The following SLC38A7 variants were observed in gnomAD, a reference collection of about 807,000 sequenced individuals.
The protein encoded by SLC38A7 is solute carrier family 38 member 7.
Under a neutral mutation model 50.1 loss-of-function variants are expected in SLC38A7, and 29 were observed. The ratio of observed to expected loss-of-function variants is 0.58; its 90% confidence interval spans 0.43 to 0.79. SLC38A7 has a LOEUF of 0.79. Ranked by LOEUF, SLC38A7 falls within the 30% of genes least tolerant of loss-of-function variation. The pLI, the probability that SLC38A7 is intolerant of heterozygous loss-of-function variation, is 0.00. For missense variants in SLC38A7, 483 were observed against 610.6 expected (o/e 0.79, Z 2.20); for synonymous variants, 244 against 245.9 (o/e 0.99, Z 0.07).
chr16:58,677,235 C>A lies in SLC38A7; in HGVS notation c.710+91G>T, dbSNP rs1371225094. On this transcript the variant is annotated intron_variant, in intron 6 of 11. Coordinates refer to ENST00000219320, the MANE Select transcript of SLC38A7 (RefSeq NM_018231.3). ...ATGAGCTCATGAGCCTTGAGAAGAGCACCTGTGTGGCCTTCTGGTTCCTGA... is the reference window on the plus strand; with the variant it reads ...ATGAGCTCATGAGCCTTGAGAAGAGAACCTGTGTGGCCTTCTGGTTCCTGA... The A allele has an allele frequency of 5.8e-6, 6 of 1,042,374 alleles. No individual in the cohort carries two copies. In the African/African-American group the frequency reaches 6.3e-5, roughly 11 times the overall value. 64.6% of individuals were successfully genotyped at this position (1,042,374 alleles called of 1,614,324 possible).
Position 58,677,374 on chromosome 16 carries a change from TTGA to T in SLC38A7, c.659_661del (p.Ile220del), listed in dbSNP as rs1259632472. 3.1e-6 allele frequency: 5 copies of T among 1,613,414 alleles called. No individual in the cohort carries two copies. The highest frequency in any genetic ancestry group is 1.1e-5 in the South Asian group (1 of 91,026). On this transcript the variant is annotated inframe_deletion, in exon 6 of 12. Transcript: ENST00000219320. ...CATCTCTTTATCTGGCCAGATGTAC[TTGA>T]TGATAACGATGGCTGTGACGTACCA...
intron 2 of SLC38A7, among the ~76,000 whole-genome samples, chr16:58,681,140 T>C (rs1847632410): frequency 6.6e-6 from 1 of 152,224 alleles, no homozygotes; most frequent in Admixed American, 6.5e-5. Flanking sequence ...AGCTATGGAA[T>C]GCTTTCTCAT....
rs377031478 is a variant in SLC38A7 at position 58,678,301 on chromosome 16, C to A, written c.611+32G>T. On this transcript the variant is annotated intron_variant, in intron 5 of 11. Coordinates refer to ENST00000219320, the MANE Select transcript of SLC38A7 (RefSeq NM_018231.3). This position sits in a 1 kb window ranked among gnomAD's most constrained non-coding sequence, Gnocchi z 4.0. The stretch of plus-strand genomic sequence containing the variant: ...GGTCTACAGCTGCCCAGGATCATAG[C>A]TTCTGTCTGACCCAGGCTGGGGCCT... 4 of 1,513,138 alleles carry A rather than the reference C, an allele frequency of 2.6e-6. No homozygotes were observed. Among genetic ancestry groups the A allele is most frequent in the Non-Finnish European group, 3.5e-6 (4 of 1,129,326 alleles). 93.7% of individuals were successfully genotyped at this position (1,513,138 alleles called of 1,614,324 possible).
At position 58,667,261 on chromosome 16, in the gene SLC38A7, A is replaced by C. The variant is rs775209639; in HGVS notation, c.*124T>G. 2.0e-6 allele frequency: 2 copies of C among 1,014,286 alleles called. No homozygotes were observed. Among genetic ancestry groups the C allele is most frequent in the Admixed American group, 2.0e-5 (1 of 50,016 alleles). The allele number at this position is 1,014,286 out of a possible 1,614,324, so 62.8% of individuals were successfully genotyped here. On this transcript the variant is annotated 3_prime_UTR_variant, in exon 12 of 12. Coordinates refer to ENST00000219320, the MANE Select transcript of SLC38A7 (RefSeq NM_018231.3). Reference sequence around the variant, plus strand: ...GGCCTGAGTTTGCCCCAGTCCCTGGAAGAGGATGTCCGGATGTCATCCCAC... The same window carrying C: ...GGCCTGAGTTTGCCCCAGTCCCTGGCAGAGGATGTCCGGATGTCATCCCAC...
At chr16:58,682,908 G>A (rs533894265) in intron 2 of SLC38A7, among the ~76,000 whole-genome samples, 1 of 152,096 alleles carries the variant, frequency 6.6e-6, no homozygotes, top group Non-Finnish European at 1.5e-5. Context: ...TTACAGGCGT[G>A]AGCCACCACG....
chr16:58,676,674 T>C (rs2152079437), intron 6 of SLC38A7, among the ~76,000 whole-genome samples: 1 of 152,238 alleles, frequency 6.6e-6, no homozygotes, highest in South Asian at 2.1e-4. Flanking sequence ...TTTTTTGAGA[T>C]GGAGTCTTGC....
chr16:58,671,542 A>G (rs913218653), intron 9 of SLC38A7: 4 of 516,214 alleles, frequency 7.7e-6, no homozygotes, highest in Non-Finnish European at 1.4e-5. Context: ...AGCTCAGGAA[A>G]GGATCTGGAT....
At chr16:58,670,959 G>A (rs2044147268) in intron 10 of SLC38A7, 86 bp downstream of exon 10, 10 of 1,446,686 alleles carry the variant, frequency 6.9e-6, no homozygotes, top group African/African-American at 2.8e-5. Context: ...TCTCCTGCAT[G>A]TTTTGAGCAA....
At chr16:58,679,602 C>A in intron 3 of SLC38A7, 1 of 550,280 alleles carries the variant, frequency 1.8e-6, no homozygotes, top group Non-Finnish European at 3.2e-6. Flanking sequence ...TTTAAACATA[C>A]CACAAAATCA....
chr16:58,671,076 G>T lies in SLC38A7; in HGVS notation c.1200C>A (p.Gly400=). 6.2e-7 allele frequency: 1 copy of T among 1,611,202 alleles called. No individual in the cohort carries two copies. The highest frequency in any genetic ancestry group is 8.5e-7 in the Non-Finnish European group (1 of 1,178,902). ...AGACGAAGATGAAGCAGGCGGCCAG[G>T]CCTCCAATGACTGAGATCACCTTGC... ...DIGKVISVIG[G]LAACFIFVFP... The change falls in exon 10 of 12, where the codon GGC becomes GGA. Residue 400 remains glycine (G), a synonymous_variant. Coordinates refer to ENST00000219320, the MANE Select transcript of SLC38A7 (RefSeq NM_018231.3).
chr16:58,683,245 C>T (rs542635778), intron 2 of SLC38A7, among the ~76,000 whole-genome samples: 3 of 152,306 alleles, frequency 2.0e-5, no homozygotes, highest in African/African-American at 4.8e-5. Flanking sequence ...AATGACTGCC[C>T]TAACCATTGG....
intron 8 of SLC38A7, 107 bp downstream of exon 8, chr16:58,675,833 G>A: frequency 1.2e-6 from 1 of 829,630 alleles, no homozygotes; most frequent in Non-Finnish European, 1.9e-6. Context: ...TACAAGTCAT[G>A]CTGGGAATGC....
In SLC38A7 at chr16:58,675,944, C is replaced by T; in HGVS notation, c.879G>A (p.Gly293=). Residue 293 remains glycine (G), a synonymous_variant, in exon 8 of 12, where the codon GGG becomes GGA. Coordinates refer to ENST00000219320, the MANE Select transcript of SLC38A7 (RefSeq NM_018231.3). ...AMVIALAVYM[G]TGICGFLTFG... ...TTGGGGGGGGGGAGCACTCACCTGT[C>T]CCCATGTAGACAGCGAGGGCTATGA... The T allele has an allele frequency of 6.2e-7, 1 of 1,609,524 alleles. No homozygotes were observed. Among genetic ancestry groups the T allele is most frequent in the Non-Finnish European group, 8.5e-7 (1 of 1,177,628 alleles).
intron 1 of SLC38A7, 26 bp from the exon 2 acceptor site, chr16:58,684,204 C>T (rs2044445765): frequency 6.6e-6 from 1 of 152,454 alleles, no homozygotes; most frequent in Admixed American, 6.5e-5. Flanking sequence ...GAAAACAGGC[C>T]CAGGAGGGAG....
rs113739305 is a variant in SLC38A7 at position 58,677,263 on chromosome 16, C to A, written c.710+63G>T. The A allele has an allele frequency of 7.6e-6, 11 of 1,442,394 alleles. No individual in the cohort carries two copies. The African/African-American group carries it at 9.8e-5, about 13-fold the overall frequency. 89.3% of individuals were successfully genotyped at this position (1,442,394 alleles called of 1,614,324 possible). On this transcript the variant is annotated intron_variant, in intron 6 of 11. Transcript: ENST00000219320. ...CTGTGTGGCCTTCTGGTTCCTGACC[C>A]AGCACCTGCTGGGGCCCAAGTGGTG...
rs2044319796 is a variant in SLC38A7, at chr16:58,678,623, G to A, written c.469+73C>T. ...GGTAAGTCCTGGAGAGGTGTTCAGT[G>A]CCTTTTCCCTCCACCCCAGGATCCC... is the stretch of plus-strand genomic sequence containing the variant. On this transcript the variant is annotated intron_variant, in intron 4 of 11. Transcript: ENST00000219320. The surrounding 1 kb of genome is among the most constrained non-coding windows in gnomAD (Gnocchi z 4.0). 1.2e-5 allele frequency: 19 copies of A among 1,583,708 alleles called. No individual in the cohort carries two copies. The South Asian group carries it at 1.8e-4, about 15-fold the overall frequency.
At position 58,678,690 on chromosome 16, in the gene SLC38A7, G is replaced by A. The variant is rs2044321400; in HGVS notation, c.469+6C>T. The A allele has an allele frequency of 1.2e-6, 2 of 1,613,394 alleles. No individual in the cohort carries two copies. The highest frequency in any genetic ancestry group is 1.7e-5 in the Admixed American group (1 of 59,892). ...AGATGGGGTAGGGACTGAGGGAGAA[G>A]CTCACTCTTGTCCTGCTGGTCGCCA... On this transcript the variant is annotated splice_donor_region_variant and intron_variant, in intron 4 of 11. Transcript: ENST00000219320. The surrounding 1 kb of genome is among the most constrained non-coding windows in gnomAD (Gnocchi z 4.0).
chr16:58,676,180 C>A, intron 7 of SLC38A7, 109 bp downstream of exon 7: 1 of 1,557,202 alleles, frequency 6.4e-7, no homozygotes, highest in Non-Finnish European at 8.9e-7. Context: ...TTCCATCCTT[C>A]CCCCCAGGAT....
chr16:58,674,133 G>A (rs2044216987), intron 8 of SLC38A7, among the ~76,000 whole-genome samples: 1 of 152,054 alleles, frequency 6.6e-6, no homozygotes, highest in Non-Finnish European at 1.5e-5. Flanking sequence ...CGGACGCCCA[G>A]CTAATTCTTT....
Sources: allele counts gnomAD v4.1 joint callset (sites outside exome capture counted in the v4.1 genomes callset), GRCh38; gene constraint gnomAD v4.1.1; non-coding constraint Gnocchi (gnomAD v3.1); transcripts MANE v1.5; gene names NCBI Gene and HGNC (gene_info 2026-07-23, HGNC 2026-07-21).